Variants in INVS observed in about 807,000 individuals in gnomAD.
The protein encoded by INVS is inversion of embryo turning homolog.
In INVS, 86 loss-of-function variants were observed where a neutral mutation model predicts 108.8. The ratio of observed to expected loss-of-function variants is 0.79; its 90% CI spans 0.66 to 0.95. INVS has a LOEUF of 0.95. Ranked by LOEUF, INVS falls within the 40% of genes least tolerant of loss-of-function variation. The pLI is 0.00. For synonymous variants in INVS, 455 were observed against 473.5 expected, an observed-to-expected ratio of 0.96 and a Z score of 0.51; for missense variants, 1,169 against 1,297.4, an observed-to-expected ratio of 0.90 and a Z score of 1.52.
intron 3 of INVS, among the ~76,000 whole-genome samples, chr9:100,176,877 T>C (rs1829729617): frequency 6.6e-6 from 1 of 152,106 alleles, no homozygotes; most frequent in Admixed American, 6.6e-5. Flanking sequence ...CTATAGCCCC[T>C]AATTGGTTGG....
chr9:100,230,064 A>G (rs1831459842), intron 5 of INVS, among the ~76,000 whole-genome samples: 1 of 152,122 alleles, frequency 6.6e-6, no homozygotes, highest in East Asian at 1.9e-4. Flanking sequence ...CGCCGTGCTC[A>G]TTCCTGTACC....
At chr9:100,296,462 C>A (rs747873097) in intron 14 of INVS, among the ~76,000 whole-genome samples, 2 of 152,226 alleles carry the variant, frequency 1.3e-5, no homozygotes, top group Non-Finnish European at 2.9e-5. Context: ...GGCACAAATG[C>A]CTCTATCTAT....
intron 3 of INVS, among the ~76,000 whole-genome samples, chr9:100,188,587 G>C (rs1407433252): frequency 1.3e-5 from 2 of 151,360 alleles, no homozygotes; most frequent in Non-Finnish European, 2.9e-5. Flanking sequence ...ATTTTGCTGA[G>C]GGTTTTTGCA....
intron 3 of INVS, among the ~76,000 whole-genome samples, chr9:100,144,730 T>A (rs776118290): frequency 6.6e-6 from 1 of 151,614 alleles, no homozygotes; most frequent in African/African-American, 2.4e-5. Context: ...TGAGGAAGAA[T>A]TGGGACTTAG....
chr9:100,292,883 GAGAC>G lies in INVS; in HGVS notation c.2627_2630del (p.Glu876ValfsTer13). On this transcript the variant is annotated frameshift_variant, in exon 14 of 17. Coordinates refer to ENST00000262457, the MANE Select transcript of INVS (RefSeq NM_014425.5). LOFTEE classifies it high-confidence loss of function. Reference sequence around the variant, plus strand: ...GTCCGAGGACTTTCAGGTATCTAAGGAGACTGATCCAGCACCTGGTCCCCTCTCT... The same window carrying G: ...GTCCGAGGACTTTCAGGTATCTAAGGTGATCCAGCACCTGGTCCCCTCTCT... 6.2e-7 allele frequency: 1 copy of G among 1,614,192 alleles called. No individual in the cohort carries two copies.
At chr9:100,100,706 AAT>A (rs540643602) in intron 1 of INVS, among the ~76,000 whole-genome samples, 3 of 44,640 alleles carry the variant, frequency 6.7e-5, no homozygotes, top group African/African-American at 2.3e-4. Flanking sequence ...ATGTACATAT[AAT>A]ATATATATTA....
At chr9:100,294,695 G>A (rs767744523) in intron 14 of INVS, among the ~76,000 whole-genome samples, 1 of 152,166 alleles carries the variant, frequency 6.6e-6, no homozygotes, top group Non-Finnish European at 1.5e-5. Context: ...CAAGCTAAGG[G>A]AGGTGGAGGT....
chr9:100,202,624 C>T (rs545601509), intron 3 of INVS, among the ~76,000 whole-genome samples: 29 of 152,272 alleles, frequency 1.9e-4, no homozygotes, highest in Admixed American at 8.5e-4. Flanking sequence ...ATCGCTTTAA[C>T]CTTCCATGTC....
chr9:100,281,160 C>T (rs1833264061), intron 12 of INVS, among the ~76,000 whole-genome samples: 1 of 152,178 alleles, frequency 6.6e-6, no homozygotes, highest in South Asian at 2.1e-4. Flanking sequence ...TTTTTAAAAA[C>T]AATTCTGTCA....
chr9:100,188,584 T>TG (rs1830122286), intron 3 of INVS, among the ~76,000 whole-genome samples: 1 of 151,958 alleles, frequency 6.6e-6, no homozygotes, highest in African/African-American at 2.4e-5. Context: ...GGTATTTTGC[T>TG]GAGGGTTTTT....
At chr9:100,248,854 T>C (rs1054340919) in intron 8 of INVS, among the ~76,000 whole-genome samples, 5 of 152,016 alleles carry the variant, frequency 3.3e-5, no homozygotes, top group Non-Finnish European at 7.4e-5. Flanking sequence ...GTTTGTGTCC[T>C]GCTCTTGCTT....
intron 3 of INVS, among the ~76,000 whole-genome samples, chr9:100,196,987 G>A (rs1830396158): frequency 6.6e-6 from 1 of 152,094 alleles, no homozygotes; most frequent in Admixed American, 6.6e-5. Context: ...AGTCAGTTCT[G>A]TAGCAGACAC....
intron 4 of INVS, among the ~76,000 whole-genome samples, chr9:100,227,398 T>C (rs148272971): frequency 1.3e-5 from 2 of 152,318 alleles, no homozygotes; most frequent in East Asian, 3.9e-4. Context: ...TAATTGTAGA[T>C]TGGATTGCTG....
chr9:100,122,087 A>C (rs1293280093), intron 2 of INVS, among the ~76,000 whole-genome samples: 1 of 152,200 alleles, frequency 6.6e-6, no homozygotes, highest in Non-Finnish European at 1.5e-5. Flanking sequence ...TTCATGACCC[A>C]GTATATTGTA....
At chr9:100,169,904 G>A in intron 3 of INVS, among the ~76,000 whole-genome samples, 1 of 152,128 alleles carries the variant, frequency 6.6e-6, no homozygotes, top group East Asian at 1.9e-4. Context: ...GACACTAGAT[G>A]GATGAACCTG....
intron 3 of INVS, among the ~76,000 whole-genome samples, chr9:100,196,307 A>G (rs1564154153): frequency 1.3e-5 from 2 of 152,226 alleles, no homozygotes; most frequent in South Asian, 2.1e-4. Context: ...TCAGTCCTCA[A>G]TTCTCCTTTG....
intron 3 of INVS, among the ~76,000 whole-genome samples, chr9:100,195,860 C>T (rs1830358283): frequency 6.6e-6 from 1 of 152,132 alleles, no homozygotes; most frequent in Non-Finnish European, 1.5e-5. Flanking sequence ...ATGTATTGCT[C>T]AATTTAATTT....
intron 3 of INVS, among the ~76,000 whole-genome samples, chr9:100,222,640 T>C (rs1453663714): frequency 6.6e-6 from 1 of 152,162 alleles, no homozygotes; most frequent in Admixed American, 6.5e-5. Flanking sequence ...CACCAACATA[T>C]ACTAGTTTCC....
intron 7 of INVS, among the ~76,000 whole-genome samples, chr9:100,245,775 A>C (rs1239300033): frequency 6.6e-6 from 1 of 152,252 alleles, no homozygotes; most frequent in Non-Finnish European, 1.5e-5. Context: ...GATTTAAGGC[A>C]AAAGCAAACA....
Sources: gnomAD v4.1 joint callset for allele counts (sites outside exome capture counted in the v4.1 genomes callset) on GRCh38, gnomAD v4.1.1 for gene constraint, MANE v1.5 for transcripts, NCBI Gene and HGNC (gene_info 2026-07-23, HGNC 2026-07-21) for gene names.